The following BRD10 variants were observed in gnomAD, a reference collection of about 807,000 sequenced individuals.
BRD10 encodes bromodomain containing 10.
chr9:5,995,288 A>C, the BRD10 span, among the ~76,000 whole-genome samples: 1 of 152,214 alleles, frequency 6.6e-6, no homozygotes, highest in African/African-American at 2.4e-5. Flanking sequence ...GGCAGTTTTT[A>C]AGTAAGAGCT....
chr9:5,975,841 T>C, the BRD10 span, among the ~76,000 whole-genome samples: 2 of 152,082 alleles, frequency 1.3e-5, no homozygotes. Context: ...AAAACAGTAA[T>C]AATGGTTAGT....
the BRD10 span, among the ~76,000 whole-genome samples, chr9:5,940,473 G>GT: frequency 6.6e-6 from 1 of 152,120 alleles, no homozygotes; most frequent in African/African-American, 2.4e-5. Flanking sequence ...GATTACAGGC[G>GT]TGAGCCACCG....
chr9:5,948,398 C>A, the BRD10 span, among the ~76,000 whole-genome samples: 1 of 151,918 alleles, frequency 6.6e-6, no homozygotes, highest in Non-Finnish European at 1.5e-5. Flanking sequence ...CAGTTTATAT[C>A]TAAGCTTTCA....
At chr9:5,972,989 A>G in the BRD10 span, among the ~76,000 whole-genome samples, 4 of 152,350 alleles carry the variant, frequency 2.6e-5, no homozygotes, top group Admixed American at 6.5e-5. Context: ...GTGACTGAAA[A>G]ACACAATCTA....
At chr9:5,951,866 G>C in the BRD10 span, among the ~76,000 whole-genome samples, 1 of 152,028 alleles carries the variant, frequency 6.6e-6, no homozygotes, top group African/African-American at 2.4e-5. Flanking sequence ...GAGTAATGCC[G>C]TGGTATTCAT....
chr9:5,920,147 G>C, the BRD10 span: 2 of 1,613,820 alleles, frequency 1.2e-6, no homozygotes, highest in Non-Finnish European at 1.7e-6. Context: ...GCCACTTAAG[G>C]AATTATTTGA....
At chr9:5,945,846 G>C in the BRD10 span, among the ~76,000 whole-genome samples, 3 of 151,986 alleles carry the variant, frequency 2.0e-5, no homozygotes, top group African/African-American at 7.2e-5. Flanking sequence ...ACCGAATAGA[G>C]AGGAAAAATC....
chr9:5,946,431 G>A, the BRD10 span, among the ~76,000 whole-genome samples: 9 of 152,020 alleles, frequency 5.9e-5, 1 homozygote, highest in Non-Finnish European at 8.8e-5. Flanking sequence ...AAGAAATGCT[G>A]ATGGTCAAGC....
chr9:5,984,237 T>A, the BRD10 span, among the ~76,000 whole-genome samples: 2 of 152,180 alleles, frequency 1.3e-5, no homozygotes, highest in African/African-American at 2.4e-5. Context: ...CTTTGATTTC[T>A]TTAAAACACA....
chr9:5,982,186 T>C, the BRD10 span, among the ~76,000 whole-genome samples: 1 of 152,172 alleles, frequency 6.6e-6, no homozygotes, highest in Non-Finnish European at 1.5e-5. Context: ...TGACCACTTT[T>C]TGTGGTCATG....
At chr9:5,943,955 A>G in the BRD10 span, among the ~76,000 whole-genome samples, 3 of 152,222 alleles carry the variant, frequency 2.0e-5, no homozygotes, top group South Asian at 6.2e-4. Context: ...TCCTCCTTTC[A>G]GAGTGCTACC....
the BRD10 span, among the ~76,000 whole-genome samples, chr9:5,906,401 A>G: frequency 6.6e-6 from 1 of 151,942 alleles, no homozygotes; most frequent in Non-Finnish European, 1.5e-5. Context: ...TCCTTCTTGG[A>G]TGTTCTTCCT....
chr9:5,978,295 TTA>T, the BRD10 span, among the ~76,000 whole-genome samples: 1 of 151,762 alleles, frequency 6.6e-6, no homozygotes, highest in Admixed American at 6.6e-5. Context: ...AACTTTACTA[TTA>T]TAGTTTTATA....
the BRD10 span, chr9:6,007,769 G>A: frequency 1.9e-6 from 3 of 1,563,712 alleles, no homozygotes; most frequent in African/African-American, 4.1e-5. Flanking sequence ...ATCGCTCCCG[G>A]CGTCCCGGGC....
At chr9:5,973,135 T>C in the BRD10 span, among the ~76,000 whole-genome samples, 2 of 152,218 alleles carry the variant, frequency 1.3e-5, no homozygotes, top group South Asian at 2.1e-4. Context: ...TAAAATGCTC[T>C]ACGGAGTTTA....
the BRD10 span, chr9:5,907,002 G>C: frequency 1.3e-6 from 2 of 1,561,304 alleles, no homozygotes; most frequent in East Asian, 2.3e-5. Context: ...ACCTGTGGTA[G>C]GTTAAGATCC....
the BRD10 span, chr9:5,919,005 G>A: frequency 6.6e-6 from 1 of 152,504 alleles, no homozygotes; most frequent in Non-Finnish European, 1.5e-5. Context: ...GTTAAAAATG[G>A]TATTCAAACA....
the BRD10 span, among the ~76,000 whole-genome samples, chr9:5,929,755 CAT>C: frequency 2.6e-5 from 4 of 151,702 alleles, no homozygotes; most frequent in African/African-American, 4.8e-5. Context: ...AGGTATTTCA[CAT>C]ATATATATAT....
At chr9:5,972,275 A>T in the BRD10 span, among the ~76,000 whole-genome samples, 1 of 152,218 alleles carries the variant, frequency 6.6e-6, no homozygotes, top group African/African-American at 2.4e-5. Context: ...GTTAAGTGAA[A>T]AGAAACTGAA....
Sources: allele counts gnomAD v4.1 joint callset (sites outside exome capture counted in the v4.1 genomes callset), GRCh38; gene constraint gnomAD v4.1.1; transcripts MANE v1.5; gene names NCBI Gene and HGNC (gene_info 2026-07-23, HGNC 2026-07-21).